The following NRCAM variants were observed in gnomAD, a reference collection of about 807,000 sequenced individuals.
NRCAM encodes the protein neuronal cell adhesion molecule, also known as NgCAM-related cell adhesion molecule.
Under a neutral mutation model 156.5 loss-of-function variants are expected in NRCAM, and 83 were observed. The observed-to-expected ratio is 0.53, with a 90% CI of 0.44 to 0.64. The LOEUF (loss-of-function observed/expected upper bound fraction) is 0.64, where lower values mean the gene tolerates loss of function less well. Ranked by LOEUF, NRCAM falls within the 30% of genes least tolerant of loss-of-function variation. NRCAM has a pLI of 0.00. For missense variants in NRCAM, 1,417 were observed against 1,597.3 expected (o/e 0.89, Z 1.92); for synonymous variants, 538 against 563.9 (o/e 0.95, Z 0.65).
chr7:108,179,977 A>G (rs1445729651), intron 25 of NRCAM, among the ~76,000 whole-genome samples: 1 of 152,202 alleles, frequency 6.6e-6, no homozygotes, highest in African/African-American at 2.4e-5. Context: ...GTGTGTGGAG[A>G]AAAATTTTAA....
intron 17 of NRCAM, among the ~76,000 whole-genome samples, chr7:108,193,478 G>A (rs1387991866): frequency 2.6e-5 from 4 of 152,206 alleles, no homozygotes; most frequent in African/African-American, 7.2e-5. Context: ...TCTGGAAAAT[G>A]CCATGACCTT....
chr7:108,409,114 G>A (rs949905476), intron 1 of NRCAM, among the ~76,000 whole-genome samples: 3 of 152,140 alleles, frequency 2.0e-5, no homozygotes, highest in Non-Finnish European at 4.4e-5. Flanking sequence ...GATTCACTTT[G>A]GTCACAGGAT....
intron 2 of NRCAM, among the ~76,000 whole-genome samples, chr7:108,388,777 C>T (rs1182321490): frequency 9.2e-5 from 14 of 152,234 alleles, no homozygotes; most frequent in Non-Finnish European, 1.6e-4. Context: ...TTTCCACATA[C>T]GGCTAGCCAG....
At chr7:108,174,834 T>C (rs543620379) in intron 28 of NRCAM, among the ~76,000 whole-genome samples, 20 of 152,362 alleles carry the variant, frequency 1.3e-4, no homozygotes, top group African/African-American at 4.3e-4. Flanking sequence ...TTGGAGGGCA[T>C]TGCTACGCTG....
intron 2 of NRCAM, among the ~76,000 whole-genome samples, chr7:108,345,706 C>T (rs1178764980): frequency 6.6e-6 from 1 of 152,168 alleles, no homozygotes; most frequent in East Asian, 1.9e-4. Context: ...AGGGCCTTCA[C>T]CAGGAACCCC....
At position 108,271,725 on chromosome 7, in the gene NRCAM, C is replaced by T. The variant is rs186392228; in HGVS notation, c.-106-31555G>A. ...AAAAAAAAGAACCTAACAAACTGAC[C>T]GTGAGATTACCATAGGGTAACCTGA... On this transcript the variant is annotated intron_variant, in intron 3 of 32. Coordinates refer to ENST00000379028, the MANE Select transcript of NRCAM (RefSeq NM_001037132.4). 5.3e-5 allele frequency among the ~76,000 whole-genome samples: 8 copies of T among 151,920 alleles called. No individual in the cohort carries two copies. In the East Asian group the frequency reaches 1.5e-3, roughly 29 times the overall value.
chr7:108,445,655 TAAAGA>T (rs1234158381), intron 1 of NRCAM, among the ~76,000 whole-genome samples: 1 of 152,184 alleles, frequency 6.6e-6, no homozygotes, highest in Non-Finnish European at 1.5e-5. Context: ...ATTTTCTAAA[TAAAGA>T]AAAGTTACTT....
intron 20 of NRCAM, among the ~76,000 whole-genome samples, chr7:108,186,191 T>C (rs2066685254): frequency 6.6e-6 from 1 of 152,234 alleles, no homozygotes; most frequent in Non-Finnish European, 1.5e-5. Context: ...AACTAAGTCC[T>C]TGGAGTTCTC....
At chr7:108,306,207 C>T (rs111506227) in intron 3 of NRCAM, among the ~76,000 whole-genome samples, 28 of 152,232 alleles carry the variant, frequency 1.8e-4, no homozygotes, top group African/African-American at 6.0e-4. Context: ...ATCAAAATGC[C>T]ATCCTTCACC....
intron 4 of NRCAM, 120 bp from the exon 5 acceptor site, chr7:108,237,889 T>C (rs1260922442): frequency 4.4e-6 from 3 of 683,984 alleles, no homozygotes; most frequent in Non-Finnish European, 6.8e-6. Context: ...TTTGATTTGA[T>C]CTAAGAAAAC....
chr7:108,260,679 A>T (rs577735407), intron 3 of NRCAM, among the ~76,000 whole-genome samples: 21 of 152,284 alleles, frequency 1.4e-4, no homozygotes, highest in Non-Finnish European at 2.6e-4. Context: ...CAGTGATGTC[A>T]ACATGGGAGT....
chr7:108,420,631 T>C (rs899229029), intron 1 of NRCAM, among the ~76,000 whole-genome samples: 1 of 152,216 alleles, frequency 6.6e-6, no homozygotes, highest in Non-Finnish European at 1.5e-5. Context: ...TTTACACTTA[T>C]TCTGTGTGAA....
At position 108,201,146 on chromosome 7, in the gene NRCAM, TAG is replaced by T. The variant is rs533852748; in HGVS notation, c.1208-3049_1208-3048del. Reference sequence around the variant, plus strand: ...AATAAAAAATAATACAAGAATAAAGTAGAGAAACAAACTAAATTTTTAAGGTC... The same window carrying T: ...AATAAAAAATAATACAAGAATAAAGTAGAAACAAACTAAATTTTTAAGGTC... On this transcript the variant is annotated intron_variant, in intron 13 of 32. Coordinates refer to ENST00000379028, the MANE Select transcript of NRCAM (RefSeq NM_001037132.4). Among the ~76,000 whole-genome samples, 60 of 132,502 alleles carry T rather than the reference TAG, an allele frequency of 4.5e-4. 1 individual carries two copies. The South Asian group carries it at 0.013, about 29-fold the overall frequency. 86.9% of individuals were successfully genotyped at this position (132,502 alleles called of 152,430 possible). A position where few individuals can be genotyped will look rare whatever the true frequency, so the allele number is the denominator to read the frequency against.
intron 2 of NRCAM, among the ~76,000 whole-genome samples, chr7:108,361,994 A>C (rs1276585334): frequency 6.6e-6 from 1 of 152,172 alleles, no homozygotes; most frequent in Non-Finnish European, 1.5e-5. Context: ...GTCAACATAA[A>C]AACCTGCATA....
At chr7:108,186,308 G>A (rs185315065) in intron 20 of NRCAM, among the ~76,000 whole-genome samples, 1 of 152,210 alleles carries the variant, frequency 6.6e-6, no homozygotes, top group South Asian at 2.1e-4. Flanking sequence ...GACTCAGGAA[G>A]TCCAACTGTC....
chr7:108,184,523 C>T lies in NRCAM; in HGVS notation c.2127G>A (p.Leu709=). 1 of 1,614,162 alleles carries T rather than the reference C, an allele frequency of 6.2e-7. No homozygotes were observed. The highest frequency in any genetic ancestry group is 8.5e-7 in the Non-Finnish European group (1 of 1,180,040). ...EVSGTQTTAQ[L]KLSPYVNYSF... ...AGTAGTTCACGTAAGGAGACAGCTTCAGCTGGGCTGTGGTCTGTGTTCCAG... is the reference window on the plus strand; with the variant it reads ...AGTAGTTCACGTAAGGAGACAGCTTTAGCTGGGCTGTGGTCTGTGTTCCAG... The change falls in exon 21 of 33, where the codon CTG becomes CTA. Residue 709 remains leucine, a synonymous_variant. Coordinates refer to ENST00000379028, the MANE Select transcript of NRCAM (RefSeq NM_001037132.4).
At chr7:108,352,985 C>T (rs1029040226) in intron 2 of NRCAM, among the ~76,000 whole-genome samples, 13 of 151,998 alleles carry the variant, frequency 8.6e-5, no homozygotes, top group African/African-American at 2.9e-4. Flanking sequence ...TGCCACTTTA[C>T]ACCAAGCCAC....
At chr7:108,375,508 G>A (rs1308455974) in intron 2 of NRCAM, among the ~76,000 whole-genome samples, 2 of 151,920 alleles carry the variant, frequency 1.3e-5, no homozygotes, top group Non-Finnish European at 2.9e-5. Context: ...GGAAAAGCCT[G>A]GAAATAAAAG....
chr7:108,249,239 AG>A (rs1311877031), intron 3 of NRCAM, among the ~76,000 whole-genome samples: 1 of 151,984 alleles, frequency 6.6e-6, no homozygotes, highest in Non-Finnish European at 1.5e-5. Flanking sequence ...AACGGAACCA[AG>A]AAAATGAGAA....
Sources: gnomAD v4.1 joint callset for allele counts (sites outside exome capture counted in the v4.1 genomes callset) on GRCh38, gnomAD v4.1.1 for gene constraint, MANE v1.5 for transcripts, NCBI Gene and HGNC (gene_info 2026-07-23, HGNC 2026-07-21) for gene names.